Variants in KLHL20 observed in about 807,000 individuals in gnomAD.
The protein encoded by KLHL20 is kelch-like protein 20.
Under a neutral mutation model 69.5 loss-of-function variants are expected in KLHL20, and 29 were observed. That is an observed-to-expected ratio of 0.42 (90% confidence interval 0.31 to 0.57). The LOEUF is 0.57. Among genes scored for constraint, KLHL20 ranks in the 20% least tolerant of loss-of-function variants. KLHL20 has a pLI of 0.18. For synonymous variants in KLHL20, 253 were observed against 265.2 expected (o/e 0.95, Z 0.45); for missense variants, 419 against 776.0 (o/e 0.54, Z 5.47).
At chr1:173,767,197 T>C (rs1052978422) in intron 8 of KLHL20, among the ~76,000 whole-genome samples, 5 of 152,198 alleles carry the variant, frequency 3.3e-5, no homozygotes, top group African/African-American at 1.2e-4. Context: ...TCCTCCAGGT[T>C]TATCCATGCC....
intron 3 of KLHL20, chr1:173,734,529 T>C: frequency 2.1e-6 from 1 of 473,872 alleles, no homozygotes; most frequent in South Asian, 2.5e-5. Flanking sequence ...TAAAAAAAAA[T>C]TTTTAAAAAG....
chr1:173,748,672 A>G (rs1673173235), intron 3 of KLHL20, among the ~76,000 whole-genome samples: 1 of 152,168 alleles, frequency 6.6e-6, no homozygotes, highest in Non-Finnish European at 1.5e-5. Context: ...TGGGTGCAGC[A>G]CACCAACATG....
chr1:173,741,807 A>G (rs1436777520), intron 3 of KLHL20: 3 of 1,567,040 alleles, frequency 1.9e-6, no homozygotes, highest in African/African-American at 1.3e-5. Context: ...TAAAATCACC[A>G]TGGTCTTTAG....
chr1:173,724,888 G>C (rs1426398657), intron 2 of KLHL20, among the ~76,000 whole-genome samples: 1 of 152,152 alleles, frequency 6.6e-6, no homozygotes, highest in Non-Finnish European at 1.5e-5. Context: ...TATTTTATAA[G>C]TACTTAAAGG....
chr1:173,716,672 T>C (rs896687745), intron 2 of KLHL20, among the ~76,000 whole-genome samples: 1 of 152,184 alleles, frequency 6.6e-6, no homozygotes, highest in African/African-American at 2.4e-5. Context: ...TTCTAACAAA[T>C]GAGACTAGAA....
intron 7 of KLHL20, among the ~76,000 whole-genome samples, chr1:173,757,673 A>G (rs1673609832): frequency 6.6e-6 from 1 of 151,924 alleles, no homozygotes; most frequent in Non-Finnish European, 1.5e-5. Flanking sequence ...TCAAAAAAAA[A>G]AAAAAAAGAA....
intron 9 of KLHL20, among the ~76,000 whole-genome samples, chr1:173,774,752 G>A (rs1558222217): frequency 6.7e-6 from 1 of 149,946 alleles, no homozygotes; most frequent in African/African-American, 2.5e-5. Context: ...AAACCACAAC[G>A]TACTCTAATC....
intron 2 of KLHL20, among the ~76,000 whole-genome samples, chr1:173,724,928 G>T (rs758665450): frequency 6.6e-6 from 1 of 151,980 alleles, no homozygotes; most frequent in Admixed American, 6.6e-5. Context: ...GACCATCCCC[G>T]TTAATTTCAG....
intron 2 of KLHL20, among the ~76,000 whole-genome samples, chr1:173,727,581 G>A (rs887639289): frequency 2.0e-5 from 3 of 152,238 alleles, no homozygotes; most frequent in Admixed American, 2.0e-4. Context: ...CCAGAAGACA[G>A]TGGGGGCCAA....
intron 11 of KLHL20, among the ~76,000 whole-genome samples, chr1:173,784,819 T>C (rs573987783): frequency 2.4e-4 from 37 of 152,290 alleles, no homozygotes; most frequent in East Asian, 7.7e-4. Flanking sequence ...GGGCAAAATT[T>C]TGAAAATGTA....
chr1:173,721,286 A>C (rs1036370845), intron 2 of KLHL20, among the ~76,000 whole-genome samples: 7 of 152,182 alleles, frequency 4.6e-5, no homozygotes, highest in African/African-American at 1.7e-4. Context: ...TGAAATTTTC[A>C]ATTTGTTCTA....
At chr1:173,747,038 T>G (rs1673093844) in intron 3 of KLHL20, among the ~76,000 whole-genome samples, 1 of 152,032 alleles carries the variant, frequency 6.6e-6, no homozygotes, top group Non-Finnish European at 1.5e-5. Context: ...CATTTTTAAT[T>G]GCTAGTTTTA....
At chr1:173,756,399 T>C (rs1673548449) in intron 6 of KLHL20, among the ~76,000 whole-genome samples, 1 of 149,016 alleles carries the variant, frequency 6.7e-6, no homozygotes, top group Non-Finnish European at 1.5e-5. Context: ...AGTGTGGTAG[T>C]GCATGTCTGT....
intron 3 of KLHL20, among the ~76,000 whole-genome samples, chr1:173,735,668 T>C (rs1211149150): frequency 1.3e-5 from 2 of 152,140 alleles, no homozygotes; most frequent in African/African-American, 2.4e-5. Flanking sequence ...AAGTTCTTCA[T>C]TGATGATTTC....
intron 8 of KLHL20, among the ~76,000 whole-genome samples, chr1:173,774,008 C>A: frequency 9.3e-6 from 1 of 107,652 alleles, no homozygotes. Flanking sequence ...ACCAAGACTC[C>A]ATCTCAAAAA....
chr1:173,734,924 T>C (rs1363448960), intron 3 of KLHL20, among the ~76,000 whole-genome samples: 1 of 152,130 alleles, frequency 6.6e-6, no homozygotes, highest in Non-Finnish European at 1.5e-5. Context: ...AGTTAATGGG[T>C]GTTACAAAGA....
At position 173,757,274 on chromosome 1, in the gene KLHL20, G is replaced by A. The variant is rs1228143162; in HGVS notation, c.1151+115G>A. On this transcript the variant is annotated intron_variant, in intron 7 of 11. Transcript: ENST00000209884. Reference sequence around the variant, plus strand: ...AGTATTGCATCTGTGGCACTAGTTGGCAACCTAAACAAGTTAGTATGATAC... The same window carrying A: ...AGTATTGCATCTGTGGCACTAGTTGACAACCTAAACAAGTTAGTATGATAC... 9 of 982,360 alleles carry A rather than the reference G, an allele frequency of 9.2e-6. No individual in the cohort carries two copies. The Admixed American group carries it at 2.3e-4, about 25-fold the overall frequency. 60.9% of individuals were successfully genotyped at this position (982,360 alleles called of 1,614,324 possible).
At chr1:173,759,907 T>C (rs1310825964) in intron 7 of KLHL20, among the ~76,000 whole-genome samples, 3 of 151,962 alleles carry the variant, frequency 2.0e-5, no homozygotes, top group South Asian at 2.1e-4. Context: ...ATTCAGGAGG[T>C]TAGTTATTAA....
In KLHL20 at chr1:173,774,453, A is replaced by G. The variant is rs1178194143; in HGVS notation, c.1429+15A>G. On this transcript the variant is annotated intron_variant, in intron 9 of 11. Coordinates refer to ENST00000209884, the MANE Select transcript of KLHL20 (RefSeq NM_014458.4). ...TCTCAACACAGGTTAGTCCCTCCCAAAGGCAATCAGGTTCCCCAAAAGCAG... is the reference window on the plus strand; with the variant it reads ...TCTCAACACAGGTTAGTCCCTCCCAGAGGCAATCAGGTTCCCCAAAAGCAG... 1 of 1,613,754 alleles carries G rather than the reference A, an allele frequency of 6.2e-7. No homozygotes were observed. Among genetic ancestry groups the G allele is most frequent in the Admixed American group, 1.7e-5 (1 of 59,996 alleles).
Sources: gnomAD v4.1 joint callset for allele counts (sites outside exome capture counted in the v4.1 genomes callset) on GRCh38, gnomAD v4.1.1 for gene constraint, MANE v1.5 for transcripts, NCBI Gene and HGNC (gene_info 2026-07-23, HGNC 2026-07-21) for gene names.